Variants in RAI1 observed in about 807,000 individuals in gnomAD.
The protein encoded by RAI1 is retinoic acid induced 1, also known as retinoic acid-induced protein 1.
In RAI1, 9 loss-of-function variants were observed where a neutral mutation model predicts 123.8. The ratio of observed to expected loss-of-function variants is 0.07; its 90% CI spans 0.04 to 0.13. The LOEUF (loss-of-function observed/expected upper bound fraction) is 0.13. Ranked by LOEUF, RAI1 falls within the 10% of genes least tolerant of loss-of-function variation. The probability of loss-of-function intolerance (pLI) is 1.00; values close to 1 mark genes in which losing one functional copy is unlikely to be tolerated. For synonymous variants in RAI1, 1,231 were observed against 1,127.3 expected (o/e 1.09, Z -1.84); for missense variants, 2,256 against 2,545.8 (o/e 0.89, Z 2.45).
In RAI1 at chr17:17,685,696, C is replaced by T. The variant is rs143889933; in HGVS notation, c.-149+3903C>T. Among the ~76,000 whole-genome samples, 1,045 of 152,284 alleles carry T rather than the reference C, an allele frequency of 6.9e-3. 9 individuals carry two copies. The highest frequency in any genetic ancestry group is 0.024 in the Middle Eastern group (7 of 294). On this transcript the variant is annotated intron_variant, in intron 1 of 5. Transcript: ENST00000353383. This position sits in a 1 kb window ranked among gnomAD's most constrained non-coding sequence, Gnocchi z 4.0. ...GCACTGTCAGAGCGATCGTTCTAAA[C>T]CCAGCAGATAACCTCCAGTGGCTCC...
At chr17:17,719,695 C>T (rs903523340) in intron 1 of RAI1, among the ~76,000 whole-genome samples, 2 of 152,206 alleles carry the variant, frequency 1.3e-5, no homozygotes, top group African/African-American at 4.8e-5. Context: ...ATCCTCAACA[C>T]ATAGAATGGA....
chr17:17,769,945 G>A (rs1048771672), intron 2 of RAI1, among the ~76,000 whole-genome samples: 1 of 152,210 alleles, frequency 6.6e-6, no homozygotes, highest in Non-Finnish European at 1.5e-5. Flanking sequence ...AGAGAGGCCA[G>A]AGGATGGGAC....
chr17:17,792,336 C>T (rs561080717), intron 2 of RAI1, among the ~76,000 whole-genome samples: 96 of 151,756 alleles, frequency 6.3e-4, no homozygotes, highest in African/African-American at 1.5e-3. Context: ...TGTGTGCGCG[C>T]GTGTGTGTGT....
At chr17:17,697,331 G>A (rs1037663307) in intron 1 of RAI1, among the ~76,000 whole-genome samples, 1 of 152,260 alleles carries the variant, frequency 6.6e-6, no homozygotes, top group Non-Finnish European at 1.5e-5. Context: ...CCTGGCCGAG[G>A]GGCAGCGGGT....
At chr17:17,728,450 G>A (rs1916163897) in intron 2 of RAI1, among the ~76,000 whole-genome samples, 1 of 152,228 alleles carries the variant, frequency 6.6e-6, no homozygotes, top group Non-Finnish European at 1.5e-5. Flanking sequence ...CCCAGCCAGG[G>A]AGAGGAAGAG....
At chr17:17,803,470 C>T (rs1160176820) in intron 3 of RAI1, among the ~76,000 whole-genome samples, 2 of 152,046 alleles carry the variant, frequency 1.3e-5, no homozygotes, top group East Asian at 1.9e-4. Context: ...CATCTCGGCT[C>T]ACTGCAGCCT....
intron 2 of RAI1, among the ~76,000 whole-genome samples, chr17:17,769,563 A>G (rs895547955): frequency 2.6e-5 from 4 of 152,224 alleles, no homozygotes; most frequent in Non-Finnish European, 5.9e-5. Flanking sequence ...GGCAGAGGCT[A>G]GGGACGAGGA....
chr17:17,792,151 A>T (rs949667926), intron 2 of RAI1, among the ~76,000 whole-genome samples: 1 of 152,148 alleles, frequency 6.6e-6, no homozygotes, highest in Non-Finnish European at 1.5e-5. Context: ...TGCACGTATG[A>T]TATCAAAAAC....
At chr17:17,728,409 T>C (rs928827623) in intron 2 of RAI1, among the ~76,000 whole-genome samples, 3 of 152,142 alleles carry the variant, frequency 2.0e-5, no homozygotes, top group Admixed American at 6.5e-5. Context: ...AAAACGATTA[T>C]ATCCTGATTG....
chr17:17,726,541 G>A (rs1292198434), intron 2 of RAI1, among the ~76,000 whole-genome samples: 4 of 152,322 alleles, frequency 2.6e-5, no homozygotes, highest in Non-Finnish European at 5.9e-5. Context: ...ATCTTCCTTA[G>A]GGCCCCCAGG....
chr17:17,769,376 G>T (rs890112433), intron 2 of RAI1, among the ~76,000 whole-genome samples: 1 of 152,256 alleles, frequency 6.6e-6, no homozygotes, highest in African/African-American at 2.4e-5. Context: ...GGGACAGCCC[G>T]GGTCGGATCT....
At chr17:17,803,406 G>T (rs1255510362) in intron 3 of RAI1, among the ~76,000 whole-genome samples, 1 of 150,318 alleles carries the variant, frequency 6.7e-6, no homozygotes, top group Non-Finnish European at 1.5e-5. Context: ...TTGTTTGTTT[G>T]TTTTTTGAGG....
chr17:17,726,801 C>A (rs1916104946), intron 2 of RAI1, among the ~76,000 whole-genome samples: 1 of 152,064 alleles, frequency 6.6e-6, no homozygotes, highest in Admixed American at 6.5e-5. Flanking sequence ...TGATGTAGTT[C>A]TTCCCAGTCC....
chr17:17,760,416 C>T (rs2030640448), intron 2 of RAI1, among the ~76,000 whole-genome samples: 1 of 152,060 alleles, frequency 6.6e-6, no homozygotes, highest in Non-Finnish European at 1.5e-5. Flanking sequence ...GTCAAGGTCA[C>T]CCAGACTGTA....
intron 2 of RAI1, among the ~76,000 whole-genome samples, chr17:17,741,170 C>T (rs1916623528): frequency 6.6e-6 from 1 of 152,184 alleles, no homozygotes; most frequent in South Asian, 2.1e-4. Context: ...CGTACACGCA[C>T]GCCTTTCTTT....
Position 17,794,233 on chromosome 17 carries a change from G to T in RAI1, c.1285G>T (p.Asp429Tyr). ...KDKLPENLLS[D>Y]LSLQSLTALT... ...CAAGCTCCCTGAGAACCTGCTGTCG[G>T]ATCTCAGCCTGCAGAGCCTCACGGC... Residue 429 changes from aspartate to tyrosine, a missense_variant, in exon 3 of 6, where the codon GAT becomes TAT. Physicochemically the swap from Asp to Tyr is radical, Grantham distance 160. Around this residue, in one of 7 missense-constraint regions of RAI1, gnomAD observed 357 missense variants for 480.2 expected, o/e 0.74. Coordinates refer to ENST00000353383, the MANE Select transcript of RAI1 (RefSeq NM_030665.4). The T allele has an allele frequency of 6.2e-7, 1 of 1,613,408 alleles. No individual in the cohort carries two copies.
intron 1 of RAI1, among the ~76,000 whole-genome samples, chr17:17,693,366 T>C (rs895892749): frequency 1.3e-4 from 20 of 152,360 alleles, no homozygotes; most frequent in African/African-American, 3.8e-4. Context: ...GCCTTCCTGA[T>C]TGACAAACAA....
intron 1 of RAI1, among the ~76,000 whole-genome samples, chr17:17,709,677 C>G (rs1466297826): frequency 6.6e-6 from 1 of 152,214 alleles, no homozygotes; most frequent in South Asian, 2.1e-4. Flanking sequence ...GCTGCTGGGC[C>G]TCGGGGAGGG....
chr17:17,693,850 C>T (rs1914918819), intron 1 of RAI1, among the ~76,000 whole-genome samples: 1 of 152,160 alleles, frequency 6.6e-6, no homozygotes, highest in African/African-American at 2.4e-5. Context: ...CTGGACCAGC[C>T]CGGGCTGGGC....
Sources: allele counts gnomAD v4.1 joint callset (sites outside exome capture counted in the v4.1 genomes callset), GRCh38; gene constraint gnomAD v4.1.1; regional missense constraint gnomAD v4.1.1; non-coding constraint Gnocchi (gnomAD v3.1); transcripts MANE v1.5; gene names NCBI Gene and HGNC (gene_info 2026-07-23, HGNC 2026-07-21).